The following MEIKIN variants were observed in gnomAD, a reference collection of about 807,000 sequenced individuals.
MEIKIN encodes the protein meiotic kinetochore factor, also known as meiosis-specific kinetochore protein.
intron 5 of MEIKIN, among the ~76,000 whole-genome samples, chr5:131,930,245 C>T (rs1407069465): frequency 2.0e-5 from 3 of 152,160 alleles, no homozygotes; most frequent in African/African-American, 7.2e-5. Flanking sequence ...AATGCTATCT[C>T]ATTGTGGTTT....
At chr5:131,926,444 T>C (rs529044412) in intron 5 of MEIKIN, among the ~76,000 whole-genome samples, 2 of 152,280 alleles carry the variant, frequency 1.3e-5, no homozygotes, top group African/African-American at 2.4e-5. Flanking sequence ...TTGCTAGTAT[T>C]TTGTTGAGGA....
chr5:131,828,868 G>T (rs1487320537), intron 11 of MEIKIN, among the ~76,000 whole-genome samples: 1 of 152,072 alleles, frequency 6.6e-6, no homozygotes, highest in Non-Finnish European at 1.5e-5. Context: ...AGGAACTCCT[G>T]GGTCAAACAA....
chr5:131,907,830 C>T lies in MEIKIN; in HGVS notation c.703+3985G>A, dbSNP rs558525614. Reference sequence around the variant, plus strand: ...GAGGTTGCAGTGAGCTGAGATTGTGCCACTGCACTCCAACCTGGGCAACAG... The same window carrying T: ...GAGGTTGCAGTGAGCTGAGATTGTGTCACTGCACTCCAACCTGGGCAACAG... On this transcript the variant is annotated intron_variant, in intron 8 of 12. Coordinates refer to ENST00000442687, the MANE Select transcript of MEIKIN (RefSeq NM_001303622.2). 2.0e-5 allele frequency among the ~76,000 whole-genome samples: 3 copies of T among 152,022 alleles called. No individual in the cohort carries two copies. The South Asian group carries it at 6.2e-4, about 32-fold the overall frequency.
chr5:131,940,417 G>A (rs1278220814), intron 4 of MEIKIN, among the ~76,000 whole-genome samples: 2 of 152,096 alleles, frequency 1.3e-5, no homozygotes, highest in Non-Finnish European at 2.9e-5. Context: ...TTAGTTCCCA[G>A]GGACTATATT....
intron 11 of MEIKIN, among the ~76,000 whole-genome samples, chr5:131,820,995 C>T (rs1247095176): frequency 1.3e-5 from 2 of 152,032 alleles, no homozygotes; most frequent in Non-Finnish European, 2.9e-5. Flanking sequence ...TCTTCAAATT[C>T]ACTTATTTCT....
intron 9 of MEIKIN, among the ~76,000 whole-genome samples, chr5:131,875,872 C>T (rs557581770): frequency 4.0e-4 from 61 of 152,244 alleles, no homozygotes; most frequent in Non-Finnish European, 7.2e-4. Flanking sequence ...TTTGACAAAC[C>T]TGACAAAAAC....
At chr5:131,828,602 A>G (rs906980463) in intron 11 of MEIKIN, among the ~76,000 whole-genome samples, 2 of 152,244 alleles carry the variant, frequency 1.3e-5, no homozygotes, top group Non-Finnish European at 2.9e-5. Flanking sequence ...TGCTCAAAAA[A>G]AGAAAGAAGT....
chr5:131,862,884 C>A (rs1750311664), intron 9 of MEIKIN, among the ~76,000 whole-genome samples: 1 of 152,126 alleles, frequency 6.6e-6, no homozygotes, highest in Admixed American at 6.5e-5. Flanking sequence ...TTTTAGGAGA[C>A]AACGGGGTTT....
chr5:131,945,200 T>G lies in MEIKIN; in HGVS notation c.156A>C (p.Lys52Asn), dbSNP rs1316058517. ...TACCTCCCTGCCTGCTCCGCTCTGC[T>G]TTCTCTGCAATCTTCGACAAGCCGT... is the stretch of plus-strand genomic sequence containing the variant. ...KVHGLSKIAE[K>N]AERSRQGGSG... Residue 52 changes from lysine (K) to asparagine (N), a missense_variant, in exon 2 of 13, where the codon AAA becomes AAC. Coordinates refer to ENST00000442687, the MANE Select transcript of MEIKIN (RefSeq NM_001303622.2). 1 of 399,266 alleles carries G rather than the reference T, an allele frequency of 2.5e-6. No individual in the cohort carries two copies. Among genetic ancestry groups the G allele is most frequent in the Non-Finnish European group, 4.4e-6 (1 of 226,214 alleles). The allele number at this position is 399,266 out of a possible 1,614,324, so 24.7% of individuals were successfully genotyped here.
At chr5:131,843,602 T>C (rs1749957470) in intron 11 of MEIKIN, among the ~76,000 whole-genome samples, 1 of 152,214 alleles carries the variant, frequency 6.6e-6, no homozygotes, top group African/African-American at 2.4e-5. Flanking sequence ...ATGCTGCCAG[T>C]ATATTTACTA....
chr5:131,891,399 T>C (rs1191612287), intron 8 of MEIKIN, among the ~76,000 whole-genome samples: 1 of 152,218 alleles, frequency 6.6e-6, no homozygotes, highest in Admixed American at 6.5e-5. Context: ...ATCTGGGTGC[T>C]CCTGTATTGG....
intron 12 of MEIKIN, among the ~76,000 whole-genome samples, chr5:131,810,864 C>T (rs1772940342): frequency 6.6e-6 from 1 of 152,206 alleles, no homozygotes; most frequent in Non-Finnish European, 1.5e-5. Context: ...TGATCACAGT[C>T]CTAGACTGAA....
intron 9 of MEIKIN, among the ~76,000 whole-genome samples, chr5:131,866,474 G>A (rs1206871190): frequency 6.6e-6 from 1 of 152,224 alleles, no homozygotes; most frequent in Non-Finnish European, 1.5e-5. Flanking sequence ...TCAGGTGGAG[G>A]CAGCAGCAGC....
intron 9 of MEIKIN, 107 bp downstream of exon 9, chr5:131,878,871 T>C (rs1478639934): frequency 6.3e-6 from 2 of 316,010 alleles, no homozygotes; most frequent in Non-Finnish European, 1.1e-5. Flanking sequence ...TGAGACCCCA[T>C]TTCTTAAAAA....
chr5:131,866,988 A>T (rs1363799922), intron 9 of MEIKIN, among the ~76,000 whole-genome samples: 1 of 152,092 alleles, frequency 6.6e-6, no homozygotes, highest in Non-Finnish European at 1.5e-5. Flanking sequence ...TAAAAGAAAA[A>T]GCTTCCTATA....
intron 9 of MEIKIN, among the ~76,000 whole-genome samples, chr5:131,856,667 A>T (rs1750197245): frequency 6.6e-6 from 1 of 152,146 alleles, no homozygotes; most frequent in South Asian, 2.1e-4. Context: ...CTGTCTGAGT[A>T]TCTGCTTCCC....
intron 8 of MEIKIN, among the ~76,000 whole-genome samples, chr5:131,880,679 T>C (rs1750690126): frequency 1.3e-5 from 2 of 152,202 alleles, no homozygotes; most frequent in African/African-American, 4.8e-5. Context: ...TAGTGTTTGC[T>C]TAAAACTCTT....
rs2149651433 is a variant in MEIKIN, at chr5:131,930,486, G to A, written c.478+3027C>T. ...TATTTTGCTGTGCAGAAGCTCTTCA[G>A]TTTAATTAGGTCCCATTTGTCAATT... On this transcript the variant is annotated intron_variant, in intron 5 of 12. Transcript: ENST00000442687. 1.3e-5 allele frequency among the ~76,000 whole-genome samples: 2 copies of A among 152,254 alleles called. 1 individual carries two copies. The highest frequency in any genetic ancestry group is 6.8e-3 in the Middle Eastern group (2 of 294).
Position 131,940,754 on chromosome 5 carries a change from G to A in MEIKIN, c.349+1881C>T, listed in dbSNP as rs1272924719. Among the ~76,000 whole-genome samples, 3 of 152,140 alleles carry A rather than the reference G, an allele frequency of 2.0e-5. No individual in the cohort carries two copies. In the East Asian group the frequency reaches 5.8e-4, roughly 29 times the overall value. On this transcript the variant is annotated intron_variant, in intron 4 of 12. Transcript: ENST00000442687. ...GTACTGTAGGTGACATGGGGGCACT[G>A]CCCTAACTGTCCGGCCAGTGTCCAC...
Sources: gnomAD v4.1 joint callset for allele counts (sites outside exome capture counted in the v4.1 genomes callset) on GRCh38, gnomAD v4.1.1 for gene constraint, MANE v1.5 for transcripts, NCBI Gene and HGNC (gene_info 2026-07-23, HGNC 2026-07-21) for gene names.